Variants in KCNMA1 observed in about 807,000 individuals in gnomAD.
KCNMA1 encodes the protein potassium calcium-activated channel subfamily M alpha 1.
Under a neutral mutation model 140.0 loss-of-function variants are expected in KCNMA1, and 29 were observed. The observed-to-expected ratio is 0.21, with a 90% CI of 0.15 to 0.28. KCNMA1 has a LOEUF of 0.28. Ranked by LOEUF, KCNMA1 falls within the 10% of genes least tolerant of loss-of-function variation. The pLI is 1.00. For missense variants in KCNMA1, 880 were observed against 1,602.2 expected, an observed-to-expected ratio of 0.55 and a Z score of 7.70; for synonymous variants, 612 against 611.9, an observed-to-expected ratio of 1.00 and a Z score of 0.00.
rs11002072 is a variant in KCNMA1 at position 77,192,677 on chromosome 10, G to T, written c.603-7761C>A. Reference sequence around the variant, plus strand: ...AGTGATAGTAATTTCCAAAACTAAGGTAATAATAATAGTGATAATAGTAAC... The same window carrying T: ...AGTGATAGTAATTTCCAAAACTAAGTTAATAATAATAGTGATAATAGTAAC... On this transcript the variant is annotated intron_variant, in intron 3 of 27. Coordinates refer to ENST00000286628, the MANE Select transcript of KCNMA1 (RefSeq NM_001161352.2). Among the ~76,000 whole-genome samples the T allele has an allele frequency of 4.3e-3, 654 of 152,242 alleles. 27 individuals are homozygous for T. In the East Asian group the frequency reaches 0.1, roughly 24 times the overall value.
intron 27 of KCNMA1, 42 bp from the exon 28 acceptor site, chr10:76,887,557 G>T: frequency 6.2e-7 from 1 of 1,611,760 alleles, no homozygotes. Context: ...GAGAGTAACT[G>T]AGTAAAGAAT....
intron 2 of KCNMA1, among the ~76,000 whole-genome samples, chr10:77,330,087 C>T (rs559867818): frequency 3.3e-5 from 5 of 152,146 alleles, no homozygotes; most frequent in Non-Finnish European, 5.9e-5. Flanking sequence ...TTTCTAATAT[C>T]TAACCCCTTC....
chr10:77,339,724 C>T (rs1310641381), intron 2 of KCNMA1, among the ~76,000 whole-genome samples: 3 of 152,190 alleles, frequency 2.0e-5, no homozygotes, highest in African/African-American at 7.2e-5. Flanking sequence ...TGCCTGTCCT[C>T]GAAGATGGAA....
chr10:77,413,333 C>G (rs538481845), intron 1 of KCNMA1, among the ~76,000 whole-genome samples: 4 of 152,214 alleles, frequency 2.6e-5, no homozygotes, highest in Middle Eastern at 3.4e-3. Context: ...TTTCACCAGC[C>G]CCGAATGCTG....
intron 2 of KCNMA1, among the ~76,000 whole-genome samples, chr10:77,258,249 T>C (rs1374543099): frequency 6.6e-6 from 1 of 152,208 alleles, no homozygotes; most frequent in Non-Finnish European, 1.5e-5. Flanking sequence ...GCTGACAATA[T>C]GCCTGTCCCT....
chr10:77,346,909 A>G (rs950643858), intron 2 of KCNMA1, among the ~76,000 whole-genome samples: 1 of 152,218 alleles, frequency 6.6e-6, no homozygotes, highest in African/African-American at 2.4e-5. Context: ...CCATTGCCCG[A>G]CTGCCCTGCT....
At chr10:77,506,494 C>T (rs1246976330) in intron 1 of KCNMA1, among the ~76,000 whole-genome samples, 2 of 148,510 alleles carry the variant, frequency 1.3e-5, no homozygotes, top group Non-Finnish European at 3.0e-5. Context: ...ATCAGAGAGA[C>T]AGAGAGAGAA....
chr10:77,517,791 C>T (rs35876623), intron 1 of KCNMA1, among the ~76,000 whole-genome samples: 1 of 152,118 alleles, frequency 6.6e-6, no homozygotes, highest in Non-Finnish European at 1.5e-5. Flanking sequence ...AGGCACATTC[C>T]TAGGGTGTAG....
chr10:77,227,669 A>G (rs1195150927), intron 3 of KCNMA1, among the ~76,000 whole-genome samples: 1 of 152,234 alleles, frequency 6.6e-6, no homozygotes, highest in East Asian at 1.9e-4. Context: ...AAGAAGTGTT[A>G]TGCTATTTTG....
chr10:76,999,961 G>T (rs548777401), intron 19 of KCNMA1, among the ~76,000 whole-genome samples: 8 of 152,096 alleles, frequency 5.3e-5, no homozygotes, highest in Non-Finnish European at 1.2e-4. Context: ...GTGAAGTCCC[G>T]GTTCCCTGAG....
chr10:77,462,776 G>A (rs1399399793), intron 1 of KCNMA1, among the ~76,000 whole-genome samples: 1 of 152,180 alleles, frequency 6.6e-6, no homozygotes, highest in African/African-American at 2.4e-5. Flanking sequence ...GAATGAAGTC[G>A]TCTCATGCCT....
intron 1 of KCNMA1, among the ~76,000 whole-genome samples, chr10:77,577,746 A>T (rs775042887): frequency 6.6e-6 from 1 of 152,310 alleles, no homozygotes; most frequent in South Asian, 2.1e-4. Context: ...GTTGGTGGTG[A>T]AGCCAGAATT....
chr10:77,161,404 C>T (rs1238903251), intron 5 of KCNMA1, among the ~76,000 whole-genome samples: 4 of 152,014 alleles, frequency 2.6e-5, no homozygotes, highest in South Asian at 2.1e-4. Context: ...TAAGCCACCA[C>T]GCCCAACTAC....
At chr10:77,409,007 T>C (rs1239900534) in intron 1 of KCNMA1, among the ~76,000 whole-genome samples, 2 of 151,958 alleles carry the variant, frequency 1.3e-5, no homozygotes, top group Non-Finnish European at 2.9e-5. Flanking sequence ...GTGGCCACAG[T>C]CCCCTCCCGA....
At chr10:77,386,704 A>G (rs2095614890) in intron 2 of KCNMA1, among the ~76,000 whole-genome samples, 1 of 151,958 alleles carries the variant, frequency 6.6e-6, no homozygotes, top group Non-Finnish European at 1.5e-5. Flanking sequence ...GAGATGATAA[A>G]CTCTTAGAAA....
At chr10:77,273,195 T>C (rs943332802) in intron 2 of KCNMA1, among the ~76,000 whole-genome samples, 2 of 152,328 alleles carry the variant, frequency 1.3e-5, no homozygotes, top group African/African-American at 4.8e-5. Context: ...TCATCTTTTT[T>C]CTCTCTCTCA....
At chr10:77,023,006 C>T in intron 16 of KCNMA1, 1 of 450,438 alleles carries the variant, frequency 2.2e-6, no homozygotes. Context: ...GGTTCCTAGA[C>T]ATAAAACACA....
chr10:77,121,605 C>T (rs1266010916), intron 5 of KCNMA1, among the ~76,000 whole-genome samples: 1 of 151,368 alleles, frequency 6.6e-6, no homozygotes, highest in East Asian at 1.9e-4. Context: ...TGAGATATCA[C>T]ACCCCACAAC....
chr10:77,221,475 A>G (rs2049650940), intron 3 of KCNMA1, among the ~76,000 whole-genome samples: 1 of 152,190 alleles, frequency 6.6e-6, no homozygotes, highest in Non-Finnish European at 1.5e-5. Flanking sequence ...TGATAGCACA[A>G]GAGGGTGACT....
Sources: allele counts gnomAD v4.1 joint callset (sites outside exome capture counted in the v4.1 genomes callset), GRCh38; gene constraint gnomAD v4.1.1; transcripts MANE v1.5; gene names NCBI Gene and HGNC (gene_info 2026-07-23, HGNC 2026-07-21).